Variants in CAMSAP1 observed in about 807,000 individuals in gnomAD.
The protein encoded by CAMSAP1 is calmodulin regulated spectrin associated protein 1, also known as calmodulin-regulated spectrin-associated protein 1.
In CAMSAP1, 58 loss-of-function variants were observed where a neutral mutation model predicts 143.5. The observed-to-expected ratio is 0.40, with a 90% CI of 0.33 to 0.50. The LOEUF (loss-of-function observed/expected upper bound fraction) is 0.50. CAMSAP1 is among the 20% of genes least tolerant of loss of function. The pLI is 0.45. For synonymous variants in CAMSAP1, 945 were observed against 859.3 expected (o/e 1.10, Z -1.74); for missense variants, 1,969 against 2,115.7 (o/e 0.93, Z 1.36).
intron 5 of CAMSAP1, among the ~76,000 whole-genome samples, chr9:135,856,259 G>A (rs895164149): frequency 6.6e-6 from 1 of 152,136 alleles, no homozygotes; most frequent in African/African-American, 2.4e-5. Flanking sequence ...GGCGGAAGAT[G>A]AAAAGCACGT....
intron 3 of CAMSAP1, among the ~76,000 whole-genome samples, chr9:135,879,265 G>A (rs1363385971): frequency 6.6e-6 from 1 of 152,104 alleles, no homozygotes; most frequent in Non-Finnish European, 1.5e-5. Context: ...TGATGTCTCT[G>A]GTTACAAGGA....
In CAMSAP1 at chr9:135,882,662, A is replaced by G. The variant is rs2130986299; in HGVS notation, c.423+154T>C. Among the ~76,000 whole-genome samples, 1 of 152,328 alleles carries G rather than the reference A, an allele frequency of 6.6e-6. No individual in the cohort carries two copies. The highest frequency in any genetic ancestry group is 6.5e-5 in the Admixed American group (1 of 15,304). On this transcript the variant is annotated intron_variant, in intron 2 of 16. Transcript: ENST00000389532. The surrounding 1 kb of genome is among the most constrained non-coding windows in gnomAD (Gnocchi z 4.9). ...ACAACAGTCATGTGCTTTAAAAGAT[A>G]TGCAGTTTCCTAAGGAACGCCAGTG...
At chr9:135,815,027 T>TA in intron 16 of CAMSAP1, 70 bp downstream of exon 16, 1 of 1,139,130 alleles carries the variant, frequency 8.8e-7, no homozygotes, top group Non-Finnish European at 1.3e-6. Flanking sequence ...TGTTTTCTTT[T>TA]AAAAAGAACC....
chr9:135,812,237 T>TA (rs1316020329), intron 16 of CAMSAP1, among the ~76,000 whole-genome samples: 1 of 151,998 alleles, frequency 6.6e-6, no homozygotes, highest in Admixed American at 6.6e-5. Context: ...TCCCTATCAA[T>TA]AAAAAATGTT....
intron 1 of CAMSAP1, among the ~76,000 whole-genome samples, chr9:135,896,987 A>G (rs1411600317): frequency 2.0e-5 from 3 of 152,192 alleles, no homozygotes; most frequent in Non-Finnish European, 4.4e-5. Context: ...TTGGCACCTT[A>G]ATCTTGGACT....
intron 3 of CAMSAP1, 129 bp downstream of exon 3, chr9:135,881,502 GAC>G: frequency 9.4e-7 from 1 of 1,062,812 alleles, no homozygotes; most frequent in Non-Finnish European, 1.4e-6. Flanking sequence ...CACATTTCTG[GAC>G]ACAAAATATG....
At chr9:135,860,350 C>A (rs1184881709) in intron 5 of CAMSAP1, among the ~76,000 whole-genome samples, 1 of 152,134 alleles carries the variant, frequency 6.6e-6, no homozygotes, top group Non-Finnish European at 1.5e-5. Flanking sequence ...GTAATCCCAG[C>A]ACTTTGGGAG....
At chr9:135,830,387 TG>T (rs2131682181) in intron 7 of CAMSAP1, among the ~76,000 whole-genome samples, 1 of 152,268 alleles carries the variant, frequency 6.6e-6, no homozygotes, top group Non-Finnish European at 1.5e-5. Context: ...CGCATGCAAA[TG>T]GTAACCCAAA....
chr9:135,864,611 G>T (rs1186979178), intron 4 of CAMSAP1, among the ~76,000 whole-genome samples: 1 of 152,202 alleles, frequency 6.6e-6, no homozygotes, highest in Non-Finnish European at 1.5e-5. Context: ...CAGGGGCCTG[G>T]TAACAAACTG....
At chr9:135,837,792 G>GAC (rs1423495548) in intron 7 of CAMSAP1, among the ~76,000 whole-genome samples, 1 of 132,098 alleles carries the variant, frequency 7.6e-6, no homozygotes, top group African/African-American at 3.1e-5. Flanking sequence ...CGGTTCTACA[G>GAC]ACACGTCATC....
chr9:135,907,125 C>A lies in CAMSAP1; in HGVS notation c.35G>T (p.Gly12Val), dbSNP rs981504950. 5.4e-6 allele frequency: 6 copies of A among 1,120,754 alleles called. No individual in the cohort carries two copies. The highest frequency in any genetic ancestry group is 6.6e-6 in the Non-Finnish European group (6 of 913,788). 69.4% of individuals were successfully genotyped at this position (1,120,754 alleles called of 1,614,324 possible). ...CGGCGGGGCCTCCATCTTCCTCCAGCCCTCGGCGGCGGCGCGGCCGCTCGC... is the reference window on the plus strand; with the variant it reads ...CGGCGGGGCCTCCATCTTCCTCCAGACCTCGGCGGCGGCGCGGCCGCTCGC... ...VDASGRAAAE[G>V]WRKMEAPPDG... Residue 12 changes from glycine to valine, a missense_variant, in exon 1 of 17, where the codon GGC (glycine) becomes GTC (valine). Around this residue, in one of 4 missense-constraint regions of CAMSAP1, gnomAD observed 215 missense variants for 196.2 expected, o/e 1.10. Transcript: ENST00000389532.
intron 5 of CAMSAP1, among the ~76,000 whole-genome samples, chr9:135,857,741 T>C (rs1452774113): frequency 6.6e-6 from 1 of 152,192 alleles, no homozygotes; most frequent in African/African-American, 2.4e-5. Flanking sequence ...AATCCTTCCC[T>C]GTGTTGCATG....
intron 7 of CAMSAP1, among the ~76,000 whole-genome samples, chr9:135,842,184 C>T (rs1015445165): frequency 6.6e-6 from 1 of 152,040 alleles, no homozygotes; most frequent in African/African-American, 2.4e-5. Context: ...AAACACAGCA[C>T]GAGAACTTCA....
At chr9:135,884,752 T>C (rs1433014731) in intron 1 of CAMSAP1, among the ~76,000 whole-genome samples, 1 of 152,206 alleles carries the variant, frequency 6.6e-6, no homozygotes, top group Non-Finnish European at 1.5e-5. Flanking sequence ...AGACTTCTGC[T>C]GTCCTTACAA....
intron 8 of CAMSAP1, among the ~76,000 whole-genome samples, chr9:135,827,086 A>G (rs550781491): frequency 6.6e-6 from 1 of 152,318 alleles, no homozygotes; most frequent in South Asian, 2.1e-4. Context: ...GAGCACACCT[A>G]AACTGTCAAT....
At position 135,811,534 on chromosome 9, in the gene CAMSAP1, G is replaced by C; in HGVS notation, c.4584C>G (p.Cys1528Trp). The change falls in exon 17 of 17, where the codon TGC becomes TGG. Residue 1528 changes from cysteine to tryptophan, a missense_variant. Coordinates refer to ENST00000389532, the MANE Select transcript of CAMSAP1 (RefSeq NM_015447.4). The surrounding 1 kb of genome is among the most constrained non-coding windows in gnomAD (Gnocchi z 4.9). ...AGATTTCCTCAGTATCAGGATAGTA[G>C]CAGTAAAGCGCCCTGAACTGGCAGC... Reference protein sequence around the residue: ...DAGCQFRALYCYYPDTEEIYK... With the variant: ...DAGCQFRALYWYYPDTEEIYK... 1 of 1,606,158 alleles carries C rather than the reference G, an allele frequency of 6.2e-7. No homozygotes were observed. Among genetic ancestry groups the C allele is most frequent in the Non-Finnish European group, 8.5e-7 (1 of 1,176,054 alleles).
At chr9:135,838,652 AC>A in intron 7 of CAMSAP1, among the ~76,000 whole-genome samples, 1 of 147,158 alleles carries the variant, frequency 6.8e-6, no homozygotes, top group East Asian at 2.0e-4. Context: ...CTACAGACAC[AC>A]ATCATCACGC....
intron 1 of CAMSAP1, among the ~76,000 whole-genome samples, chr9:135,887,712 C>T (rs571507015): frequency 4.6e-5 from 7 of 152,154 alleles, no homozygotes; most frequent in Non-Finnish European, 8.8e-5. Context: ...AGGGCATCTG[C>T]TGAGTGGGAG....
chr9:135,846,754 T>G (rs954062453), intron 7 of CAMSAP1, among the ~76,000 whole-genome samples: 1 of 142,368 alleles, frequency 7.0e-6, no homozygotes, highest in East Asian at 2.0e-4. Context: ...AAAGAAGACA[T>G]ATATGCGGCC....
Sources: allele counts gnomAD v4.1 joint callset (sites outside exome capture counted in the v4.1 genomes callset), GRCh38; gene constraint gnomAD v4.1.1; regional missense constraint gnomAD v4.1.1; non-coding constraint Gnocchi (gnomAD v3.1); transcripts MANE v1.5; gene names NCBI Gene and HGNC (gene_info 2026-07-23, HGNC 2026-07-21).